CNTN5: variants seen among roughly 807,000 people sequenced by gnomAD.
CNTN5 encodes the protein contactin 5, also known as contactin-5.
In CNTN5, 77 loss-of-function variants were observed where a neutral mutation model predicts 129.1. That is an observed-to-expected ratio of 0.60 (90% CI 0.50 to 0.72). The LOEUF (loss-of-function observed/expected upper bound fraction) is 0.72. Ranked by LOEUF, CNTN5 falls within the 30% of genes least tolerant of loss-of-function variation. The pLI is 0.00. For synonymous variants in CNTN5, 509 were observed against 465.6 expected (o/e 1.09, Z -1.20); for missense variants, 1,478 against 1,328.8 (o/e 1.11, Z -1.75).
chr11:100,225,697 T>C (rs961191681), intron 16 of CNTN5, among the ~76,000 whole-genome samples: 1 of 152,166 alleles, frequency 6.6e-6, no homozygotes, highest in Non-Finnish European at 1.5e-5. Flanking sequence ...CTCTTCATTT[T>C]TCATCTTATA....
At chr11:100,273,762 T>C (rs1009011383) in intron 18 of CNTN5, among the ~76,000 whole-genome samples, 9 of 152,140 alleles carry the variant, frequency 5.9e-5, no homozygotes, top group African/African-American at 1.9e-4. Flanking sequence ...CACTCAAAAA[T>C]AGAAAGATTC....
rs190894631 is a variant in CNTN5 at position 100,138,394 on chromosome 11, T to A, written c.1581-52732T>A. Among the ~76,000 whole-genome samples the A allele has an allele frequency of 4.5e-3, 680 of 152,228 alleles. 2 individuals carry two copies. The highest frequency in any genetic ancestry group is 6.9e-3 in the Non-Finnish European group (467 of 68,010). ...AACAAAACAAAGTCTCTGCCTTAAA[T>A]AATTTGTATTGTATCAGGGAAAGTC... is the stretch of plus-strand genomic sequence containing the variant. On this transcript the variant is annotated intron_variant, in intron 13 of 24. Transcript: ENST00000524871.
At chr11:100,330,726 A>G (rs1951889344) in intron 21 of CNTN5, among the ~76,000 whole-genome samples, 1 of 152,016 alleles carries the variant, frequency 6.6e-6, no homozygotes, top group Admixed American at 6.5e-5. Context: ...CAGTGAAACT[A>G]AGCTTCATAA....
At chr11:99,295,878 G>A (rs142328128) in intron 1 of CNTN5, among the ~76,000 whole-genome samples, 3,089 of 108,186 alleles carry the variant, frequency 0.029, 260 homozygotes, top group East Asian at 0.26. Context: ...GCGAGACTCC[G>A]TCTCAAAAAA....
chr11:99,254,844 A>G (rs889310520), intron 1 of CNTN5, among the ~76,000 whole-genome samples: 1 of 151,994 alleles, frequency 6.6e-6, no homozygotes, highest in Non-Finnish European at 1.5e-5. Context: ...AATGTGCTTA[A>G]TAAAAGGTGA....
chr11:99,683,961 A>C (rs148990612), intron 3 of CNTN5, among the ~76,000 whole-genome samples: 18 of 151,968 alleles, frequency 1.2e-4, no homozygotes. Context: ...CGGAAACAAT[A>C]CTTAAATTGT....
At chr11:99,132,423 GAAAT>G (rs1858989701) in intron 1 of CNTN5, among the ~76,000 whole-genome samples, 1 of 152,112 alleles carries the variant, frequency 6.6e-6, no homozygotes. Context: ...GCAAGAGAAA[GAAAT>G]AAAGGATATT....
intron 13 of CNTN5, among the ~76,000 whole-genome samples, chr11:100,134,815 CA>C (rs1282837124): frequency 6.6e-6 from 1 of 152,092 alleles, no homozygotes; most frequent in Non-Finnish European, 1.5e-5. Context: ...CTACCAAATA[CA>C]AGCACAGTGA....
At chr11:99,711,617 G>T (rs995427499) in intron 3 of CNTN5, among the ~76,000 whole-genome samples, 2 of 151,732 alleles carry the variant, frequency 1.3e-5, no homozygotes, top group Non-Finnish European at 2.9e-5. Context: ...TTCTCCTAAT[G>T]CTCTCCCTCC....
intron 1 of CNTN5, among the ~76,000 whole-genome samples, chr11:99,178,235 C>T (rs1253188387): frequency 6.8e-6 from 1 of 148,148 alleles, no homozygotes; most frequent in East Asian, 1.9e-4. Context: ...GATCCTAGCA[C>T]ATTTGGAGGC....
chr11:99,554,699 T>C (rs1480600882), intron 2 of CNTN5, among the ~76,000 whole-genome samples: 1 of 152,100 alleles, frequency 6.6e-6, no homozygotes, highest in African/African-American at 2.4e-5. Flanking sequence ...TAATCATGAA[T>C]TGAAACTTTG....
At chr11:100,158,325 A>G (rs570683180) in intron 13 of CNTN5, among the ~76,000 whole-genome samples, 1 of 151,288 alleles carries the variant, frequency 6.6e-6, no homozygotes, top group South Asian at 2.1e-4. Context: ...TGCACAGGAT[A>G]GTGACTGTAA....
At chr11:99,207,193 T>C (rs1387876021) in intron 1 of CNTN5, among the ~76,000 whole-genome samples, 1 of 152,086 alleles carries the variant, frequency 6.6e-6, no homozygotes, top group Non-Finnish European at 1.5e-5. Context: ...ATAAAATTAA[T>C]GTGAATTTAA....
intron 3 of CNTN5, among the ~76,000 whole-genome samples, chr11:99,658,727 A>G (rs1393113358): frequency 6.7e-6 from 1 of 148,564 alleles, no homozygotes; most frequent in African/African-American, 2.5e-5. Context: ...AAATATATAT[A>G]TATATATAAA....
intron 2 of CNTN5, among the ~76,000 whole-genome samples, chr11:99,520,300 A>C (rs537496909): frequency 2.0e-5 from 3 of 152,140 alleles, no homozygotes; most frequent in Non-Finnish European, 4.4e-5. Context: ...AAATTTGTAT[A>C]GTCTCTCCTA....
intron 1 of CNTN5, among the ~76,000 whole-genome samples, chr11:99,227,712 T>C (rs983034432): frequency 6.6e-6 from 1 of 152,184 alleles, no homozygotes; most frequent in African/African-American, 2.4e-5. Flanking sequence ...ATTATTTGAA[T>C]TTTAAAAAGG....
At chr11:99,483,247 G>A (rs1945676184) in intron 2 of CNTN5, among the ~76,000 whole-genome samples, 1 of 151,168 alleles carries the variant, frequency 6.6e-6, no homozygotes, top group South Asian at 2.1e-4. Flanking sequence ...CTTGGAAGAG[G>A]GCCAAGCTGG....
intron 1 of CNTN5, among the ~76,000 whole-genome samples, chr11:99,040,719 C>T (rs1365880042): frequency 6.6e-6 from 1 of 152,116 alleles, no homozygotes; most frequent in Non-Finnish European, 1.5e-5. Context: ...AGTGTTTCAA[C>T]CTTACTCTGA....
At chr11:99,430,184 G>GT (rs1943303627) in intron 2 of CNTN5, among the ~76,000 whole-genome samples, 1 of 151,964 alleles carries the variant, frequency 6.6e-6, no homozygotes, top group East Asian at 1.9e-4. Context: ...AGATGGTAAA[G>GT]GGGAAAGGAG....
Sources: gnomAD v4.1 joint callset for allele counts (sites outside exome capture counted in the v4.1 genomes callset) on GRCh38, gnomAD v4.1.1 for gene constraint, MANE v1.5 for transcripts, NCBI Gene and HGNC (gene_info 2026-07-23, HGNC 2026-07-21) for gene names.